RALYL: variants seen among roughly 807,000 people sequenced by gnomAD.
RALYL encodes RALY RNA binding protein like.
A neutral mutation model predicts 35.1 loss-of-function variants in RALYL; 29 were observed. The ratio of observed to expected loss-of-function variants is 0.83; its 90% CI spans 0.61 to 1.13. The LOEUF is 1.13. RALYL is among the 50% of genes most tolerant of loss of function. The probability of loss-of-function intolerance (pLI) is 0.00; values close to 1 mark genes in which losing one functional copy is unlikely to be tolerated. For missense variants in RALYL, 359 were observed against 360.4 expected (o/e 1.00, Z 0.03); for synonymous variants, 120 against 127.6 (o/e 0.94, Z 0.40).
intron 1 of RALYL, among the ~76,000 whole-genome samples, chr8:84,187,053 A>T (rs188708036): frequency 1.1e-3 from 165 of 152,018 alleles, no homozygotes; most frequent in Non-Finnish European, 1.9e-3. Context: ...GGGAAAAAAA[A>T]GTTTCTATTT....
intron 1 of RALYL, among the ~76,000 whole-genome samples, chr8:84,316,943 C>T (rs1468785320): frequency 6.6e-6 from 1 of 152,138 alleles, no homozygotes; most frequent in African/African-American, 2.4e-5. Context: ...TTTTGAATAG[C>T]ACACATTAAT....
At chr8:84,864,201 TTGTGTGTGTG>T (rs112446879) in intron 6 of RALYL, among the ~76,000 whole-genome samples, 1 of 150,076 alleles carries the variant, frequency 6.7e-6, no homozygotes, top group Non-Finnish European at 1.5e-5. Flanking sequence ...GTGTGTGTGT[TTGTGTGTGTG>T]TGTGTGTGTA....
At chr8:84,897,237 A>G (rs1844911207) in intron 8 of RALYL, among the ~76,000 whole-genome samples, 1 of 152,172 alleles carries the variant, frequency 6.6e-6, no homozygotes, top group Non-Finnish European at 1.5e-5. Flanking sequence ...TGTTATCATT[A>G]TTGCTATTGT....
intron 3 of RALYL, among the ~76,000 whole-genome samples, chr8:84,801,985 C>T (rs571041144): frequency 1.3e-5 from 2 of 152,208 alleles, no homozygotes; most frequent in African/African-American, 4.8e-5. Context: ...TAAAGAAAGC[C>T]TATTTTAGGA....
chr8:84,367,884 A>G lies in RALYL; in HGVS notation c.-23-161415A>G, dbSNP rs934221420. On this transcript the variant is annotated intron_variant, in intron 1 of 8. Transcript: ENST00000521268. ...TTAAAAAGCTATATCCCATTGATTT[A>G]AAGTTTAGAAAAATGATTCCAGATC... is the stretch of plus-strand genomic sequence containing the variant. Among the ~76,000 whole-genome samples, 8 of 152,174 alleles carry G rather than the reference A, an allele frequency of 5.3e-5. No homozygotes were observed. In the South Asian group the frequency reaches 1.0e-3, roughly 20 times the overall value.
intron 1 of RALYL, among the ~76,000 whole-genome samples, chr8:84,479,500 C>T (rs560874460): frequency 6.6e-6 from 1 of 152,172 alleles, no homozygotes; most frequent in Non-Finnish European, 1.5e-5. Context: ...TCCAAAGGAC[C>T]AATTTTACCC....
intron 2 of RALYL, among the ~76,000 whole-genome samples, chr8:84,717,041 G>A (rs1380095280): frequency 6.6e-6 from 1 of 152,038 alleles, no homozygotes; most frequent in Non-Finnish European, 1.5e-5. Flanking sequence ...ACAAAAATTA[G>A]CCATGCATGA....
chr8:84,219,687 C>T (rs979727586), intron 1 of RALYL, among the ~76,000 whole-genome samples: 1 of 151,550 alleles, frequency 6.6e-6, no homozygotes, highest in Admixed American at 6.6e-5. Flanking sequence ...TGCAACATAG[C>T]ATAACTGAGT....
intron 1 of RALYL, among the ~76,000 whole-genome samples, chr8:84,517,784 A>G (rs1226301118): frequency 4.6e-5 from 7 of 152,220 alleles, no homozygotes; most frequent in Non-Finnish European, 1.0e-4. Flanking sequence ...CTGAATAATA[A>G]CTAAGCTAAT....
chr8:84,745,064 A>C (rs1294515185), intron 2 of RALYL, among the ~76,000 whole-genome samples: 2 of 149,228 alleles, frequency 1.3e-5, no homozygotes, highest in African/African-American at 4.9e-5. Flanking sequence ...TCCCAAAACA[A>C]ACACACACAC....
At chr8:84,590,846 C>T (rs1813086771) in intron 2 of RALYL, among the ~76,000 whole-genome samples, 1 of 152,156 alleles carries the variant, frequency 6.6e-6, no homozygotes, top group South Asian at 2.1e-4. Context: ...TCTCCTCTGA[C>T]TTTAAGACTT....
intron 2 of RALYL, among the ~76,000 whole-genome samples, chr8:84,682,203 G>A (rs1305555847): frequency 1.3e-5 from 2 of 152,268 alleles, no homozygotes; most frequent in South Asian, 4.1e-4. Context: ...CTTGATCATG[G>A]TGGATAAGCT....
At chr8:84,749,212 T>C (rs1809357113) in intron 2 of RALYL, among the ~76,000 whole-genome samples, 1 of 152,176 alleles carries the variant, frequency 6.6e-6, no homozygotes, top group Admixed American at 6.5e-5. Context: ...TATTACCTTT[T>C]TCCAATGGTT....
At chr8:84,555,136 G>A (rs1471991986) in intron 2 of RALYL, among the ~76,000 whole-genome samples, 5 of 152,166 alleles carry the variant, frequency 3.3e-5, no homozygotes, top group East Asian at 1.9e-4. Flanking sequence ...AAAATTAGCC[G>A]GGCGTGGTGG....
chr8:84,885,237 G>A (rs147217891), intron 7 of RALYL, among the ~76,000 whole-genome samples: 189 of 152,158 alleles, frequency 1.2e-3, no homozygotes, highest in African/African-American at 4.4e-3. Flanking sequence ...AATTGAGAGT[G>A]TTTTGGTCTT....
chr8:84,378,874 T>G (rs1043454511), intron 1 of RALYL, among the ~76,000 whole-genome samples: 4 of 151,934 alleles, frequency 2.6e-5, no homozygotes, highest in African/African-American at 9.7e-5. Flanking sequence ...TTTTCCTATA[T>G]TTTGGGTGCT....
At chr8:84,313,178 C>G (rs1482311208) in intron 1 of RALYL, among the ~76,000 whole-genome samples, 1 of 152,176 alleles carries the variant, frequency 6.6e-6, no homozygotes, top group Non-Finnish European at 1.5e-5. Context: ...GGTGGAGCAT[C>G]TGGACACAGG....
rs1259776772 is a variant in RALYL, at chr8:84,462,302, T to G, written c.-23-66997T>G. Among the ~76,000 whole-genome samples, 30 of 151,668 alleles carry G rather than the reference T, an allele frequency of 2.0e-4. 1 individual carries two copies. The highest frequency in any genetic ancestry group is 4.4e-5 in the Non-Finnish European group (3 of 67,776). ...TTTAATTAGATTGTTATCATATTGT[T>G]GCATTTTAAAGGTTCTCAATATGTT... On this transcript the variant is annotated intron_variant, in intron 1 of 8. Transcript: ENST00000521268.
intron 1 of RALYL, among the ~76,000 whole-genome samples, chr8:84,428,100 TCTCTCTCACACACACA>T (rs1009618090): frequency 4.5e-5 from 6 of 134,790 alleles, no homozygotes; most frequent in African/African-American, 1.7e-4. Flanking sequence ...TCTCTCTCTC[TCTCTCTCACACACACA>T]CACACACACA....
Sources: allele counts gnomAD v4.1 joint callset (sites outside exome capture counted in the v4.1 genomes callset), GRCh38; gene constraint gnomAD v4.1.1; transcripts MANE v1.5; gene names NCBI Gene and HGNC (gene_info 2026-07-23, HGNC 2026-07-21).